The following LIMCH1 variants were observed in gnomAD, a reference collection of about 807,000 sequenced individuals.
The protein encoded by LIMCH1 is LIM and calponin homology domains 1.
LIMCH1 carries 113 observed loss-of-function variants against 176.5 expected under a neutral mutation model. The observed-to-expected ratio is 0.64, with a 90% CI of 0.55 to 0.75. The LOEUF is 0.75. Among genes scored for constraint, LIMCH1 ranks in the 30% least tolerant of loss-of-function variants. LIMCH1 has a pLI of 0.00. For synonymous variants in LIMCH1, 619 were observed against 645.9 expected, an observed-to-expected ratio of 0.96 and a Z score of 0.63; for missense variants, 1,674 against 1,814.9, an observed-to-expected ratio of 0.92 and a Z score of 1.41.
In LIMCH1 at chr4:41,614,813, A is replaced by G. The variant is rs181299376; in HGVS notation, c.205+1152A>G. Reference sequence around the variant, plus strand: ...AATCATCTCAACATTTACAAGTTACAAAAAAATCACTGTCAGAAAGTAGCA... The same window carrying G: ...AATCATCTCAACATTTACAAGTTACGAAAAAATCACTGTCAGAAAGTAGCA... On this transcript the variant is annotated intron_variant, in intron 5 of 31. Transcript: ENST00000503057. 2.1e-3 allele frequency among the ~76,000 whole-genome samples: 318 copies of G among 152,306 alleles called. 1 individual carries two copies. The highest frequency in any genetic ancestry group is 6.8e-3 in the African/African-American group (284 of 41,576).
intron 1 of LIMCH1, among the ~76,000 whole-genome samples, chr4:41,471,027 CTT>C (rs34026751): frequency 5.0e-4 from 66 of 131,186 alleles, no homozygotes; most frequent in East Asian, 1.1e-3. Flanking sequence ...CAAACTAAGA[CTT>C]TTTTTTTTTT....
intron 1 of LIMCH1, among the ~76,000 whole-genome samples, chr4:41,545,103 A>G (rs1286236223): frequency 2.0e-5 from 3 of 152,206 alleles, no homozygotes; most frequent in African/African-American, 7.2e-5. Flanking sequence ...TACAAGGGTA[A>G]AACAGATTCT....
intron 1 of LIMCH1, among the ~76,000 whole-genome samples, chr4:41,460,667 C>G (rs983620811): frequency 6.6e-6 from 1 of 152,012 alleles, no homozygotes; most frequent in Non-Finnish European, 1.5e-5. Flanking sequence ...GAAAGAGCCA[C>G]CTGCTTTAAT....
intron 1 of LIMCH1, among the ~76,000 whole-genome samples, chr4:41,409,574 C>T (rs989081024): frequency 1.3e-5 from 2 of 152,052 alleles, no homozygotes; most frequent in Admixed American, 6.5e-5. Flanking sequence ...GCCATTTATA[C>T]CTAAATGCAT....
At chr4:41,405,679 T>C (rs1347828674) in intron 1 of LIMCH1, among the ~76,000 whole-genome samples, 4 of 152,140 alleles carry the variant, frequency 2.6e-5, no homozygotes, top group Non-Finnish European at 5.9e-5. Flanking sequence ...AAAAGCTTGT[T>C]AAATATTAAG....
rs142119111 is a variant in LIMCH1 at position 41,363,157 on chromosome 4, C to G, written c.96+2221C>G. Among the ~76,000 whole-genome samples, 1,081 of 152,244 alleles carry G rather than the reference C, an allele frequency of 7.1e-3. 22 individuals are homozygous for G. The highest frequency in any genetic ancestry group is 0.024 in the African/African-American group (1,000 of 41,534). ...GAGGTTCTTCTTGAAATGTAAATGC[C>G]GAGTCTGCAAACCACGGGAACCCAG... is the stretch of plus-strand genomic sequence containing the variant. On this transcript the variant is annotated intron_variant, in intron 1 of 26. Transcript: ENST00000313860.
intron 18 of LIMCH1, among the ~76,000 whole-genome samples, chr4:41,656,628 G>A (rs1380592740): frequency 6.6e-6 from 1 of 152,090 alleles, no homozygotes; most frequent in Non-Finnish European, 1.5e-5. Context: ...ATATTTGGAG[G>A]TATAAAAGTG....
At chr4:41,381,447 T>A in intron 1 of LIMCH1, among the ~76,000 whole-genome samples, 1 of 152,198 alleles carries the variant, frequency 6.6e-6, no homozygotes, top group Admixed American at 6.5e-5. Context: ...CAAATTCATG[T>A]TTCCCTCACA....
At chr4:41,632,675 G>A in intron 10 of LIMCH1, 74 bp from the exon 11 acceptor site, 1 of 1,186,096 alleles carries the variant, frequency 8.4e-7, no homozygotes, top group South Asian at 1.3e-5. Context: ...TCAGTCCCAA[G>A]GACTTTCACT....
intron 1 of LIMCH1, chr4:41,386,002 C>T (rs2056440323): frequency 6.6e-6 from 1 of 152,064 alleles, no homozygotes; most frequent in Non-Finnish European, 1.5e-5. Context: ...AGGAGTGCTA[C>T]TAGGGTGAGT....
chr4:41,384,427 C>T (rs1422259182), intron 1 of LIMCH1, among the ~76,000 whole-genome samples: 1 of 151,788 alleles, frequency 6.6e-6, no homozygotes, highest in Non-Finnish European at 1.5e-5. Context: ...CCAGGATGGT[C>T]TCGATCTCCT....
chr4:41,638,782 T>C, intron 13 of LIMCH1, 150 bp from the exon 14 acceptor site: 3 of 715,672 alleles, frequency 4.2e-6, no homozygotes, highest in Non-Finnish European at 7.4e-6. Context: ...CCAATGAATA[T>C]TGCTAATTGT....
intron 21 of LIMCH1, among the ~76,000 whole-genome samples, chr4:41,667,585 TG>T (rs2094872460): frequency 6.6e-6 from 1 of 152,196 alleles, no homozygotes; most frequent in African/African-American, 2.4e-5. Flanking sequence ...GGTCTTAAAA[TG>T]GCACTGACCA....
At chr4:41,607,554 A>T (rs2090888674) in intron 4 of LIMCH1, among the ~76,000 whole-genome samples, 1 of 152,156 alleles carries the variant, frequency 6.6e-6, no homozygotes, top group South Asian at 2.1e-4. Context: ...TTAAATTTGG[A>T]CTTGAATAAT....
intron 1 of LIMCH1, among the ~76,000 whole-genome samples, chr4:41,398,411 T>C (rs1238905471): frequency 6.6e-6 from 1 of 152,096 alleles, no homozygotes; most frequent in Non-Finnish European, 1.5e-5. Context: ...CCAACTGAGT[T>C]TTGTGGGTGA....
Position 41,360,798 on chromosome 4 carries a change from G to C in LIMCH1, c.-43G>C. 1 of 1,446,102 alleles carries C rather than the reference G, an allele frequency of 6.9e-7. No individual in the cohort carries two copies. Among genetic ancestry groups the C allele is most frequent in the South Asian group, 1.3e-5 (1 of 77,998 alleles). 89.6% of individuals were successfully genotyped at this position (1,446,102 alleles called of 1,614,324 possible). A position where few individuals can be genotyped will look rare whatever the true frequency, so the allele number is the denominator to read the frequency against. Reference sequence around the variant, plus strand: ...CGCTCCTGCGGCGGCGACGGCGGCGGCCGTCCTCATCCCGGCGCTTGAGAG... The same window carrying C: ...CGCTCCTGCGGCGGCGACGGCGGCGCCCGTCCTCATCCCGGCGCTTGAGAG... On this transcript the variant is annotated 5_prime_UTR_variant, in exon 1 of 27. Coordinates refer to the LIMCH1 transcript ENST00000313860. The surrounding 1 kb of genome is among the most constrained non-coding windows in gnomAD (Gnocchi z 4.5).
intron 1 of LIMCH1, among the ~76,000 whole-genome samples, chr4:41,556,227 T>C (rs970033881): frequency 2.0e-4 from 31 of 151,882 alleles, no homozygotes; most frequent in Middle Eastern, 3.4e-3. Flanking sequence ...AAACCCTGTC[T>C]CTACTAAAAA....
chr4:41,591,410 T>G (rs6856138), intron 1 of LIMCH1, among the ~76,000 whole-genome samples: 13,102 of 151,910 alleles, frequency 0.086, 1,849 homozygotes, highest in African/African-American at 0.3. Context: ...GCCAGCTAAT[T>G]TTTTAAAAAA....
At chr4:41,457,184 GA>G (rs986009719) in intron 1 of LIMCH1, among the ~76,000 whole-genome samples, 73 of 152,256 alleles carry the variant, frequency 4.8e-4, no homozygotes, top group African/African-American at 1.7e-3. Context: ...CAAGTTTTCT[GA>G]AATATATACC....
Sources: allele counts gnomAD v4.1 joint callset (sites outside exome capture counted in the v4.1 genomes callset), GRCh38; gene constraint gnomAD v4.1.1; non-coding constraint Gnocchi (gnomAD v3.1); transcripts MANE v1.5; gene names NCBI Gene and HGNC (gene_info 2026-07-23, HGNC 2026-07-21).